Variants in DNAJA3 observed in about 807,000 individuals in gnomAD.
The protein encoded by DNAJA3 is DnaJ heat shock protein family (Hsp40) member A3.
Under a neutral mutation model 54.9 loss-of-function variants are expected in DNAJA3, and 29 were observed. The ratio of observed to expected loss-of-function variants is 0.53; its 90% CI spans 0.39 to 0.72. The LOEUF is 0.72. Ranked by LOEUF, DNAJA3 falls within the 30% of genes least tolerant of loss-of-function variation. DNAJA3 has a pLI of 0.00. For synonymous variants in DNAJA3, 302 were observed against 251.4 expected, an observed-to-expected ratio of 1.20 and a Z score of -1.90; for missense variants, 708 against 639.4, an observed-to-expected ratio of 1.11 and a Z score of -1.16.
chr16:4,432,965 C>A (rs2056725334), intron 1 of DNAJA3, among the ~76,000 whole-genome samples: 2 of 151,582 alleles, frequency 1.3e-5, no homozygotes, highest in African/African-American at 4.8e-5. Context: ...CACGGCGAAA[C>A]CCCGTCTCTA....
intron 2 of DNAJA3, among the ~76,000 whole-genome samples, chr16:4,436,033 T>G (rs1003195562): frequency 6.6e-6 from 1 of 152,268 alleles, no homozygotes; most frequent in Non-Finnish European, 1.5e-5. Context: ...TAAGAAATGC[T>G]ATCTCGTTAG....
chr16:4,434,479 A>C lies in DNAJA3; in HGVS notation c.307A>C (p.Asn103His), dbSNP rs1448289726. Residue 103 changes from asparagine (N) to histidine (H), a missense_variant, in exon 2 of 12, where the codon AAT becomes CAT. Transcript: ENST00000262375. ...TTATCAGATATTAGGAGTGCCTCGAAATGCCAGCCAGAAAGAGATCAAGAA... is the reference window on the plus strand; with the variant it reads ...TTATCAGATATTAGGAGTGCCTCGACATGCCAGCCAGAAAGAGATCAAGAA... ...DYYQILGVPR[N>H]ASQKEIKKAY... 2 of 1,613,916 alleles carry C rather than the reference A, an allele frequency of 1.2e-6. No individual in the cohort carries two copies. Among genetic ancestry groups the C allele is most frequent in the Non-Finnish European group, 1.7e-6 (2 of 1,180,012 alleles).
rs545495472 is a variant in DNAJA3 at position 4,455,849 on chromosome 16, G to C, written c.*317G>C. 7 of 545,532 alleles carry C rather than the reference G, an allele frequency of 1.3e-5. No homozygotes were observed. In the East Asian group the frequency reaches 2.0e-4, roughly 16 times the overall value. The allele number at this position is 545,532 out of a possible 1,614,324, so 33.8% of individuals were successfully genotyped here. On this transcript the variant is annotated 3_prime_UTR_variant, in exon 12 of 12. Coordinates refer to ENST00000262375, the MANE Select transcript of DNAJA3 (RefSeq NM_005147.6). Reference sequence around the variant, plus strand: ...TCTTGCAGGGCTAAAACTCTAATTTGGAATTGAATATTGTGGATATCTTAG... The same window carrying C: ...TCTTGCAGGGCTAAAACTCTAATTTCGAATTGAATATTGTGGATATCTTAG...
intron 1 of DNAJA3, among the ~76,000 whole-genome samples, chr16:4,429,109 G>C (rs182563537): frequency 3.9e-3 from 599 of 151,814 alleles, no homozygotes; most frequent in Non-Finnish European, 6.2e-3. Context: ...AGGACGTCTC[G>C]ATCTCCTGAC....
At chr16:4,437,194 C>T (rs918567035) in intron 2 of DNAJA3, among the ~76,000 whole-genome samples, 3 of 152,108 alleles carry the variant, frequency 2.0e-5, no homozygotes, top group Non-Finnish European at 4.4e-5. Context: ...TGGTGTTGAA[C>T]TCCTGAGCTT....
intron 1 of DNAJA3, among the ~76,000 whole-genome samples, chr16:4,433,015 G>A (rs991788400): frequency 1.3e-5 from 2 of 151,970 alleles, no homozygotes; most frequent in Admixed American, 1.3e-4. Context: ...GGTGGCAGGC[G>A]CCCGTAGTCC....
intron 1 of DNAJA3, chr16:4,430,576 AAAG>A (rs1274357180): frequency 1.3e-5 from 2 of 152,046 alleles, no homozygotes; most frequent in African/African-American, 2.4e-5. Flanking sequence ...AAAAAAAAAA[AAAG>A]AAAGCAGTTG....
chr16:4,435,549 A>G (rs1005951407), intron 2 of DNAJA3, among the ~76,000 whole-genome samples: 5 of 152,044 alleles, frequency 3.3e-5, no homozygotes, highest in African/African-American at 4.8e-5. Flanking sequence ...GGATTTGCCT[A>G]TTCTCAATAT....
At chr16:4,433,721 AAG>A (rs1472480212) in intron 1 of DNAJA3, 1 of 152,246 alleles carries the variant, frequency 6.6e-6, no homozygotes, top group Admixed American at 6.5e-5. Context: ...CATGTGGCAT[AAG>A]AGGGGGGAGC....
intron 1 of DNAJA3, 170 bp from the exon 2 acceptor site, chr16:4,434,214 A>G: frequency 1.5e-6 from 1 of 668,136 alleles, no homozygotes; most frequent in Non-Finnish European, 2.5e-6. Flanking sequence ...CTCCCATGAC[A>G]CGTGGGGATT....
In DNAJA3 at chr16:4,426,036, T is replaced by A; in HGVS notation, c.155T>A (p.Leu52Gln). The change falls in exon 1 of 12, where the codon CTG (leucine) becomes CAG (glutamine). Residue 52 changes from leucine (L) to glutamine (Q), a missense_variant. Physicochemically the swap from Leu to Gln is moderately radical, Grantham distance 113. Transcript: ENST00000262375. Reference sequence around the variant, plus strand: ...AGCGTCCCCGCCTTTGCGTCTTCCCTGACCTCTTGCGGCCCCCGAGCGCTG... The same window carrying A: ...AGCGTCCCCGCCTTTGCGTCTTCCCAGACCTCTTGCGGCCCCCGAGCGCTG... ...KLSVPAFASS[L>Q]TSCGPRALLT... The A allele has an allele frequency of 6.2e-7, 1 of 1,606,514 alleles. No homozygotes were observed. The highest frequency in any genetic ancestry group is 8.5e-7 in the Non-Finnish European group (1 of 1,176,994).
chr16:4,425,980 C>T lies in DNAJA3; in HGVS notation c.99C>T (p.Gly33=). 1 of 1,596,224 alleles carries T rather than the reference C, an allele frequency of 6.3e-7. No homozygotes were observed. Among genetic ancestry groups the T allele is most frequent in the Non-Finnish European group, 8.5e-7 (1 of 1,172,670 alleles). ...GAGGGGCCCGGCCGCCCAGGGAGGG[C>T]GTGGTGGGGGCATGGCTGAGCCGCA... is the stretch of plus-strand genomic sequence containing the variant. ...SGRGARPPRE[G]VVGAWLSRKL... The change falls in exon 1 of 12, where the codon GGC becomes GGT. Residue 33 remains glycine, a synonymous_variant. Transcript: ENST00000262375.
intron 1 of DNAJA3, 122 bp from the exon 2 acceptor site, chr16:4,434,262 C>A: frequency 8.8e-7 from 1 of 1,140,144 alleles, no homozygotes; most frequent in East Asian, 2.4e-5. Context: ...TGGGTGGGGA[C>A]ACAGCCAAAC....
rs201740340 is a variant in DNAJA3 at position 4,444,668 on chromosome 16, C to T, written c.936C>T (p.Val312=). 98 of 1,613,856 alleles carry T rather than the reference C, an allele frequency of 6.1e-5. No homozygotes were observed. The highest frequency in any genetic ancestry group is 7.5e-5 in the Non-Finnish European group (88 of 1,179,934). The change falls in exon 7 of 12, where the codon GTC becomes GTT. Residue 312 remains valine (V), a synonymous_variant. Transcript: ENST00000262375. The part of the protein sequence containing the change: ...KRVMIPVPAG[V]EDGQTVRMPV... ...CCTTTCTAATGTCCCTTGTAGGAGT[C>T]GAGGATGGCCAGACCGTGAGGATGC...
chr16:4,444,977 C>T lies in DNAJA3; in HGVS notation c.996+249C>T, dbSNP rs1033162411. Among the ~76,000 whole-genome samples the T allele has an allele frequency of 2.6e-5, 4 of 152,272 alleles. No individual in the cohort carries two copies. The South Asian group carries it at 8.3e-4, about 32-fold the overall frequency. The stretch of plus-strand genomic sequence containing the variant: ...TAGAAATACAGGTCACATAAAAATA[C>T]AGGAAACATCTTGTGTTTTTATGAT... On this transcript the variant is annotated intron_variant, in intron 7 of 11. Transcript: ENST00000262375.
chr16:4,451,512 T>G (rs1347317550), intron 10 of DNAJA3, among the ~76,000 whole-genome samples: 1 of 151,786 alleles, frequency 6.6e-6, no homozygotes, highest in Non-Finnish European at 1.5e-5. Context: ...ATCCCAGCAC[T>G]TTGGGAGGCA....
Position 4,441,549 on chromosome 16 carries a change from C to G in DNAJA3, c.604C>G (p.Gln202Glu), listed in dbSNP as rs149863913. The change falls in exon 4 of 12, where the codon CAG (glutamine) becomes GAG (glutamate). Residue 202 changes from glutamine to glutamate, a missense_variant. Transcript: ENST00000262375. ...EFSSSSFGDF[Q>E]TVFDQPQEYF... is the part of the protein sequence containing the mutation. ...CTCATCCTCTTCATTTGGAGATTTCCAGACCGTGTTTGATCAGCCTCAGGA... is the reference window on the plus strand; with the variant it reads ...CTCATCCTCTTCATTTGGAGATTTCGAGACCGTGTTTGATCAGCCTCAGGA... 5.2e-5 allele frequency: 84 copies of G among 1,614,016 alleles called. No homozygotes were observed. The highest frequency in any genetic ancestry group is 6.8e-5 in the Non-Finnish European group (80 of 1,180,046).
Position 4,455,835 on chromosome 16 carries a change from TA to T in DNAJA3, c.*307del. 1 of 558,350 alleles carries T rather than the reference TA, an allele frequency of 1.8e-6. No individual in the cohort carries two copies. Among genetic ancestry groups the T allele is most frequent in the South Asian group, 2.5e-5 (1 of 39,712 alleles). The allele number at this position is 558,350 out of a possible 1,614,324, so 34.6% of individuals were successfully genotyped here. A position where few individuals can be genotyped will look rare whatever the true frequency, so the allele number is the denominator to read the frequency against. On this transcript the variant is annotated 3_prime_UTR_variant, in exon 12 of 12. Coordinates refer to ENST00000262375, the MANE Select transcript of DNAJA3 (RefSeq NM_005147.6). ...GGAGATGGTTAGACTCTTGCAGGGC[TA>T]AAACTCTAATTTGGAATTGAATATT...
At chr16:4,453,782 C>T (rs758302032) in intron 10 of DNAJA3, among the ~76,000 whole-genome samples, 1 of 152,162 alleles carries the variant, frequency 6.6e-6, no homozygotes, top group Non-Finnish European at 1.5e-5. Context: ...CCTCCCTCAC[C>T]CCTTCCCGGG....
Sources: gnomAD v4.1 joint callset for allele counts (sites outside exome capture counted in the v4.1 genomes callset) on GRCh38, gnomAD v4.1.1 for gene constraint, MANE v1.5 for transcripts, NCBI Gene and HGNC (gene_info 2026-07-23, HGNC 2026-07-21) for gene names.